STIM1: variants seen among roughly 807,000 people sequenced by gnomAD.
The protein encoded by STIM1 is stromal interaction molecule 1.
A neutral mutation model predicts 74.7 loss-of-function variants in STIM1; 25 were observed. The observed-to-expected ratio is 0.33, with a 90% CI of 0.24 to 0.47. The LOEUF (loss-of-function observed/expected upper bound fraction) is 0.47. Ranked by LOEUF, STIM1 falls within the 20% of genes least tolerant of loss-of-function variation. STIM1 has a pLI of 1.00. For synonymous variants in STIM1, 328 were observed against 348.8 expected (o/e 0.94, Z 0.66); for missense variants, 728 against 920.8 (o/e 0.79, Z 2.71).
At chr11:3,989,554 C>A in intron 2 of STIM1, 1 of 544,952 alleles carries the variant, frequency 1.8e-6, no homozygotes. Flanking sequence ...GCTGCCGCTC[C>A]TCCCGCCGCC....
chr11:4,022,928 C>T (rs1054594458), intron 2 of STIM1, among the ~76,000 whole-genome samples: 5 of 152,158 alleles, frequency 3.3e-5, no homozygotes, highest in African/African-American at 1.2e-4. Context: ...TCACTGTTGC[C>T]ACATTCTATT....
chr11:3,935,892 A>G (rs1457982374), intron 1 of STIM1, among the ~76,000 whole-genome samples: 1 of 152,224 alleles, frequency 6.6e-6, no homozygotes, highest in African/African-American at 2.4e-5. Flanking sequence ...CATAGGTAAC[A>G]TTTATTGAAT....
At chr11:3,996,858 T>C (rs2093667534) in intron 2 of STIM1, among the ~76,000 whole-genome samples, 2 of 152,198 alleles carry the variant, frequency 1.3e-5, no homozygotes, top group Admixed American at 6.5e-5. Context: ...AACTGTTCTT[T>C]CTCATAGTGC....
intron 1 of STIM1, among the ~76,000 whole-genome samples, chr11:3,870,865 T>C (rs1242130557): frequency 3.3e-4 from 48 of 144,166 alleles, no homozygotes; most frequent in Non-Finnish European, 1.1e-4. Context: ...TCCTATCAGC[T>C]ACTCTTTTTT....
intron 5 of STIM1, among the ~76,000 whole-genome samples, chr11:4,066,696 A>G (rs377581294): frequency 6.6e-6 from 1 of 152,162 alleles, no homozygotes; most frequent in East Asian, 1.9e-4. Flanking sequence ...AGAAAAAAAA[A>G]GTTGAAAAAC....
rs569422286 is a variant in STIM1, at chr11:4,015,450, G to A, written c.271-8423G>A. On this transcript the variant is annotated intron_variant, in intron 2 of 12. Transcript: ENST00000526596. ...ATGGGCTTCCCTTTGTGGGTAACCC[G>A]ACCTCTCTCTCTGGCTGCCCTTAAC... is the stretch of plus-strand genomic sequence containing the variant. 6.6e-5 allele frequency among the ~76,000 whole-genome samples: 10 copies of A among 152,248 alleles called. No individual in the cohort carries two copies. In the South Asian group the frequency reaches 8.3e-4, roughly 13 times the overall value.
At chr11:3,925,879 G>A (rs1474561976) in intron 1 of STIM1, among the ~76,000 whole-genome samples, 1 of 151,974 alleles carries the variant, frequency 6.6e-6, no homozygotes, top group Non-Finnish European at 1.5e-5. Flanking sequence ...AATATATCAG[G>A]CCCGGTAAAG....
intron 2 of STIM1, among the ~76,000 whole-genome samples, chr11:3,985,600 G>C (rs1189283565): frequency 6.6e-6 from 1 of 152,202 alleles, no homozygotes; most frequent in East Asian, 1.9e-4. Flanking sequence ...GCCCAAAGAT[G>C]CTGTCAGTCT....
intron 3 of STIM1, among the ~76,000 whole-genome samples, chr11:4,027,001 A>G (rs1302015263): frequency 3.9e-5 from 6 of 152,112 alleles, no homozygotes; most frequent in African/African-American, 1.2e-4. Context: ...CAGAGCCCCA[A>G]TGTTCTAGTC....
chr11:3,969,021 C>T (rs2093366536), intron 2 of STIM1, among the ~76,000 whole-genome samples: 1 of 152,232 alleles, frequency 6.6e-6, no homozygotes, highest in Non-Finnish European at 1.5e-5. Flanking sequence ...TGTATTGTTT[C>T]TCCTATTCTA....
At chr11:3,968,016 T>C (rs952822394) in intron 2 of STIM1, among the ~76,000 whole-genome samples, 27 of 152,192 alleles carry the variant, frequency 1.8e-4, no homozygotes, top group African/African-American at 6.5e-4. Context: ...GCAATCCTGC[T>C]ATAGATGGAG....
chr11:3,907,998 A>T (rs954979036), intron 1 of STIM1, among the ~76,000 whole-genome samples: 2 of 152,010 alleles, frequency 1.3e-5, no homozygotes, highest in African/African-American at 2.4e-5. Flanking sequence ...CCCACCACAC[A>T]CTGCAACCCC....
chr11:4,086,721 CA>C, intron 12 of STIM1, 178 bp downstream of exon 12: 1 of 1,538,132 alleles, frequency 6.5e-7, no homozygotes, highest in Middle Eastern at 1.7e-4. Flanking sequence ...CCACCACCAC[CA>C]CCACCACCTT....
At chr11:4,042,375 C>T (rs1445632571) in intron 3 of STIM1, among the ~76,000 whole-genome samples, 1 of 152,142 alleles carries the variant, frequency 6.6e-6, no homozygotes, top group East Asian at 1.9e-4. Flanking sequence ...CCCCTTATGG[C>T]TTAATTGTTC....
chr11:3,889,969 C>T (rs1296053429), intron 1 of STIM1, among the ~76,000 whole-genome samples: 1 of 152,090 alleles, frequency 6.6e-6, no homozygotes, highest in African/African-American at 2.4e-5. Context: ...GTACATTGGG[C>T]AGGGACTTTT....
chr11:4,011,917 G>A (rs993556420), intron 2 of STIM1, among the ~76,000 whole-genome samples: 1 of 152,168 alleles, frequency 6.6e-6, no homozygotes, highest in Non-Finnish European at 1.5e-5. Context: ...GTAAGGAAGG[G>A]ATCCAGTTTC....
At chr11:4,059,247 G>A (rs747765722) in intron 4 of STIM1, 34 bp from the exon 5 acceptor site, 11 of 1,575,898 alleles carry the variant, frequency 7.0e-6, no homozygotes, top group Non-Finnish European at 9.6e-6. Context: ...GCTTTACTGG[G>A]AGGGAACTGA....
intron 2 of STIM1, among the ~76,000 whole-genome samples, chr11:4,003,489 A>G (rs1366762600): frequency 6.6e-6 from 1 of 151,186 alleles, no homozygotes; most frequent in East Asian, 1.9e-4. Context: ...GACAAAAACC[A>G]CATGATTATC....
chr11:3,894,332 T>C (rs1273210798), intron 1 of STIM1, among the ~76,000 whole-genome samples: 2 of 152,194 alleles, frequency 1.3e-5, no homozygotes, highest in Non-Finnish European at 2.9e-5. Flanking sequence ...TTTTCACTTT[T>C]GAAGGGAGAG....
Sources: gnomAD v4.1 joint callset for allele counts (sites outside exome capture counted in the v4.1 genomes callset) on GRCh38, gnomAD v4.1.1 for gene constraint, MANE v1.5 for transcripts, NCBI Gene and HGNC (gene_info 2026-07-23, HGNC 2026-07-21) for gene names.